Variants in ZNF565 observed in about 807,000 individuals in gnomAD.
ZNF565 encodes zinc finger protein 565.
In ZNF565, 27 loss-of-function variants were observed where a neutral mutation model predicts 39.4. The ratio of observed to expected loss-of-function variants is 0.69; its 90% CI spans 0.51 to 0.95. The LOEUF (loss-of-function observed/expected upper bound fraction) is 0.95. Among genes scored for constraint, ZNF565 ranks in the 40% least tolerant of loss-of-function variants. ZNF565 has a pLI of 0.00. For missense variants in ZNF565, 524 were observed against 621.1 expected (o/e 0.84, Z 1.66); for synonymous variants, 185 against 216.6 (o/e 0.85, Z 1.28).
At chr19:36,188,389 A>T (rs1479700481) in intron 4 of ZNF565, among the ~76,000 whole-genome samples, 2 of 151,210 alleles carry the variant, frequency 1.3e-5, no homozygotes, top group Admixed American at 1.3e-4. Context: ...AGAAAAAAAA[A>T]TTAAAAACAA....
chr19:36,219,264 C>T (rs1976740395), upstream of ZNF565, among the ~76,000 whole-genome samples: 1 of 152,156 alleles, frequency 6.6e-6, no homozygotes, highest in Non-Finnish European at 1.5e-5. Flanking sequence ...TGAAGAGATC[C>T]TCCCACCTCA....
chr19:36,182,685 G>C lies in ZNF565; in HGVS notation c.1281C>G (p.Ala427=). 2 of 1,614,166 alleles carry C rather than the reference G, an allele frequency of 1.2e-6. No homozygotes were observed. The highest frequency in any genetic ancestry group is 1.7e-6 in the Non-Finnish European group (2 of 1,180,036). ...KPYECKECGK[A]FIRVSQLTHH... ...GAGTCAGTTGTGAAACACGAATAAAGGCCTTCCCACATTCCTTACATTCGT... is the reference window on the plus strand; with the variant it reads ...GAGTCAGTTGTGAAACACGAATAAACGCCTTCCCACATTCCTTACATTCGT... The change falls in exon 5 of 5, where the codon GCC becomes GCG. Residue 427 remains alanine, a synonymous_variant. Coordinates refer to ENST00000304116, the MANE Select transcript of ZNF565 (RefSeq NM_152477.5).
In ZNF565 at chr19:36,185,172, T is replaced by C. The variant is rs894519751; in HGVS notation, c.233-1439A>G. Among the ~76,000 whole-genome samples the C allele has an allele frequency of 5.9e-5, 9 of 151,488 alleles. 1 individual carries two copies. The South Asian group carries it at 1.9e-3, about 32-fold the overall frequency. On this transcript the variant is annotated intron_variant, in intron 4 of 4. Coordinates refer to ENST00000304116, the MANE Select transcript of ZNF565 (RefSeq NM_152477.5). ...GCTCATGTCTGTAATCACAGCACTT[T>C]GGGAGACTGAGGTGGGTGGATCACC...
At chr19:36,210,540 T>C (rs956020272) in intron 1 of ZNF565, among the ~76,000 whole-genome samples, 3 of 151,396 alleles carry the variant, frequency 2.0e-5, no homozygotes, top group African/African-American at 7.3e-5. Flanking sequence ...TATACATACA[T>C]ATAAACACAT....
At chr19:36,202,759 C>G (rs1245022505) in intron 1 of ZNF565, among the ~76,000 whole-genome samples, 1 of 152,174 alleles carries the variant, frequency 6.6e-6, no homozygotes, top group African/African-American at 2.4e-5. Flanking sequence ...TCTAGCTTCT[C>G]TGGGCTCAAC....
intron 1 of ZNF565, among the ~76,000 whole-genome samples, chr19:36,208,931 C>T (rs528890789): frequency 3.9e-5 from 6 of 152,124 alleles, no homozygotes; most frequent in Non-Finnish European, 8.8e-5. Flanking sequence ...CTCCCAGACT[C>T]AAGAGATTCT....
intron 1 of ZNF565, among the ~76,000 whole-genome samples, chr19:36,221,882 C>A (rs1976855789): frequency 6.8e-6 from 1 of 147,190 alleles, no homozygotes; most frequent in South Asian, 2.2e-4. Context: ...ATCTCACTTT[C>A]TTTAATAACA....
At chr19:36,230,610 A>G (rs2145440232) in intron 1 of ZNF565, among the ~76,000 whole-genome samples, 1 of 152,302 alleles carries the variant, frequency 6.6e-6, no homozygotes, top group East Asian at 1.9e-4. Context: ...AGAAGGAACA[A>G]AAGTGTTAAA....
chr19:36,204,284 A>C (rs1310941534), intron 1 of ZNF565, among the ~76,000 whole-genome samples: 2 of 152,116 alleles, frequency 1.3e-5, no homozygotes, highest in African/African-American at 4.8e-5. Flanking sequence ...GAATGGTGTC[A>C]AGAAAACTTT....
At chr19:36,204,626 T>A (rs1976084484) in intron 1 of ZNF565, among the ~76,000 whole-genome samples, 1 of 152,234 alleles carries the variant, frequency 6.6e-6, no homozygotes, top group Non-Finnish European at 1.5e-5. Flanking sequence ...TTAATTAATT[T>A]AATTTAAATT....
chr19:36,226,390 A>G (rs1031987744), intron 1 of ZNF565, among the ~76,000 whole-genome samples: 2 of 152,336 alleles, frequency 1.3e-5, no homozygotes, highest in Admixed American at 6.5e-5. Flanking sequence ...CAACATACAT[A>G]GTGGATGGGG....
intron 4 of ZNF565, among the ~76,000 whole-genome samples, chr19:36,191,126 C>T (rs1228105583): frequency 6.8e-6 from 1 of 147,726 alleles, no homozygotes; most frequent in Non-Finnish European, 1.5e-5. Flanking sequence ...TTCAAAATAT[C>T]AAAACTGTTC....
chr19:36,219,506 A>ATT (rs145670628), upstream of ZNF565, among the ~76,000 whole-genome samples: 1 of 150,336 alleles, frequency 6.7e-6, no homozygotes, highest in African/African-American at 2.4e-5. Flanking sequence ...ATCTCTGATG[A>ATT]TTTTTTTTTT....
chr19:36,185,717 T>TC (rs1004369540), intron 4 of ZNF565, among the ~76,000 whole-genome samples: 1 of 38,718 alleles, frequency 2.6e-5, no homozygotes, highest in African/African-American at 8.7e-5. Flanking sequence ...TCACTCTCTA[T>TC]TTTTTTTTTT....
At chr19:36,233,011 T>A (rs1599990793) in intron 1 of ZNF565, among the ~76,000 whole-genome samples, 1 of 152,252 alleles carries the variant, frequency 6.6e-6, no homozygotes, top group East Asian at 1.9e-4. Flanking sequence ...TGTATGTCCG[T>A]ATCCATGTGT....
At chr19:36,241,877 G>A (rs1043018859) in intron 1 of ZNF565, among the ~76,000 whole-genome samples, 1 of 151,072 alleles carries the variant, frequency 6.6e-6, no homozygotes, top group Non-Finnish European at 1.5e-5. Flanking sequence ...ACTCAAAAGT[G>A]TCCAAAGACC....
chr19:36,205,957 GT>G (rs57253970), intron 1 of ZNF565, among the ~76,000 whole-genome samples: 98 of 143,362 alleles, frequency 6.8e-4, no homozygotes, highest in South Asian at 5.8e-3. Context: ...CTCACATTCT[GT>G]TTTTTTTTTT....
At chr19:36,203,700 C>T (rs1976049791) in intron 1 of ZNF565, among the ~76,000 whole-genome samples, 1 of 152,118 alleles carries the variant, frequency 6.6e-6, no homozygotes, top group Admixed American at 6.6e-5. Context: ...CTCAACCTCA[C>T]AAGTAGCTAG....
intron 4 of ZNF565, among the ~76,000 whole-genome samples, chr19:36,187,286 A>T (rs1975336312): frequency 6.6e-6 from 1 of 152,094 alleles, no homozygotes; most frequent in South Asian, 2.1e-4. Context: ...CAGCAGGAAG[A>T]TTTATGTTTC....
Sources: allele counts gnomAD v4.1 joint callset (sites outside exome capture counted in the v4.1 genomes callset), GRCh38; gene constraint gnomAD v4.1.1; transcripts MANE v1.5; gene names NCBI Gene and HGNC (gene_info 2026-07-23, HGNC 2026-07-21).